CALCOCO1: variants seen among roughly 807,000 people sequenced by gnomAD.
The protein encoded by CALCOCO1 is calcium binding and coiled-coil domain 1, also known as calcium-binding and coiled-coil domain-containing protein 1.
CALCOCO1 carries 44 observed loss-of-function variants against 86.3 expected under a neutral mutation model. The observed-to-expected ratio is 0.51, with a 90% CI of 0.40 to 0.66. The LOEUF is 0.66. Ranked by LOEUF, CALCOCO1 falls within the 30% of genes least tolerant of loss-of-function variation. CALCOCO1 has a pLI of 0.00. For missense variants in CALCOCO1, 708 were observed against 851.1 expected, an observed-to-expected ratio of 0.83 and a Z score of 2.09; for synonymous variants, 297 against 327.6, an observed-to-expected ratio of 0.91 and a Z score of 1.01.
chr12:53,714,314 C>A, intron 11 of CALCOCO1, 73 bp from the exon 12 acceptor site: 1 of 1,171,024 alleles, frequency 8.5e-7, no homozygotes. Context: ...GCAGAAGCTG[C>A]ACCCAAGAAG....
At chr12:53,717,682 T>G (rs947610287) in intron 7 of CALCOCO1, among the ~76,000 whole-genome samples, 1 of 152,176 alleles carries the variant, frequency 6.6e-6, no homozygotes, top group African/African-American at 2.4e-5. Context: ...TGCAGATACT[T>G]GATTTGAATG....
chr12:53,711,661 C>T lies in CALCOCO1; in HGVS notation c.*283G>A. The T allele has an allele frequency of 2.9e-6, 1 of 348,436 alleles. No homozygotes were observed. The highest frequency in any genetic ancestry group is 4.5e-5 in the Admixed American group (1 of 22,158). The allele number at this position is 348,436 out of a possible 1,614,324, so 21.6% of individuals were successfully genotyped here. On this transcript the variant is annotated 3_prime_UTR_variant, in exon 15 of 15. Transcript: ENST00000550804. ...CTAGGAGTGGACGATTCTATTCCCA[C>T]AGGGGAAGGCCTCCTCCATCCCGGT...
rs1593077646 is a variant in CALCOCO1, at chr12:53,714,283, AG to A, written c.1483-43del. 5.4e-6 allele frequency: 8 copies of A among 1,476,358 alleles called. No homozygotes were observed. In the African/African-American group the frequency reaches 9.7e-5, roughly 18 times the overall value. 91.5% of individuals were successfully genotyped at this position (1,476,358 alleles called of 1,614,324 possible). A position where few individuals can be genotyped will look rare whatever the true frequency, so the allele number is the denominator to read the frequency against. On this transcript the variant is annotated intron_variant, in intron 11 of 14. Transcript: ENST00000550804. Reference sequence around the variant, plus strand: ...AAAAGGCAGGTGCTAGAGAATGGGAAGGTGCCAACCTTGCTAGCCTGCAGAA... The same window carrying A: ...AAAAGGCAGGTGCTAGAGAATGGGAAGTGCCAACCTTGCTAGCCTGCAGAA...
At chr12:53,722,252 C>A (rs893914895) in intron 4 of CALCOCO1, 69 bp from the exon 5 acceptor site, 2 of 1,573,676 alleles carry the variant, frequency 1.3e-6, no homozygotes, top group Non-Finnish European at 1.7e-6. Context: ...ATCCTCACCA[C>A]TCTCCAGGTG....
chr12:53,713,979 G>T (rs2120553331), intron 12 of CALCOCO1, 79 bp from the exon 13 acceptor site: 1 of 1,353,074 alleles, frequency 7.4e-7, no homozygotes, highest in Admixed American at 2.0e-5. Context: ...CTGGATGAGG[G>T]GTATCATTAG....
At chr12:53,716,132 G>A (rs1945719093) in intron 8 of CALCOCO1, 85 bp from the exon 9 acceptor site, 1 of 1,584,950 alleles carries the variant, frequency 6.3e-7, no homozygotes, top group South Asian at 1.1e-5. Flanking sequence ...CCACTCCACT[G>A]CATTAGGACT....
intron 7 of CALCOCO1, among the ~76,000 whole-genome samples, chr12:53,717,378 A>G (rs1193581446): frequency 1.3e-5 from 2 of 152,308 alleles, no homozygotes; most frequent in Admixed American, 1.3e-4. Flanking sequence ...TAAGTACAGT[A>G]CACGTCACCC....
rs1433997764 is a variant in CALCOCO1 at position 53,710,309 on chromosome 12, G to C, written c.*1635C>G. ...AAGGAACGATGTAAGAAGTCATCCA[G>C]GTGGGGCTGGAAAGGGGGTGGACAG... On this transcript the variant is annotated 3_prime_UTR_variant, in exon 15 of 15. Transcript: ENST00000550804. The C allele has an allele frequency of 2.6e-5, 4 of 152,334 alleles. No individual in the cohort carries two copies. The highest frequency in any genetic ancestry group is 5.9e-5 in the Non-Finnish European group (4 of 68,134). The allele number at this position is 152,334 out of a possible 1,614,324, so 9.4% of individuals were successfully genotyped here.
intron 1 of CALCOCO1, 74 bp from the exon 2 acceptor site, chr12:53,725,340 A>C: frequency 2.1e-6 from 2 of 965,020 alleles, no homozygotes; most frequent in Non-Finnish European, 1.5e-6. Flanking sequence ...AGCACCACAC[A>C]CTCACAGCCC....
intron 10 of CALCOCO1, 31 bp from the exon 11 acceptor site, chr12:53,714,724 G>T: frequency 6.5e-7 from 1 of 1,528,652 alleles, no homozygotes; most frequent in Non-Finnish European, 9.0e-7. Context: ...GGAATCTGGA[G>T]CCTAGAATGT....
intron 4 of CALCOCO1, 152 bp downstream of exon 4, chr12:53,723,440 AC>A: frequency 1.4e-6 from 1 of 732,248 alleles, no homozygotes; most frequent in South Asian, 1.7e-5. Flanking sequence ...TCTATGTTAG[AC>A]TGAGACTCTC....
intron 6 of CALCOCO1, 136 bp from the exon 7 acceptor site, chr12:53,719,965 A>T (rs1243667368): frequency 1.8e-6 from 1 of 543,584 alleles, no homozygotes; most frequent in African/African-American, 1.9e-5. Flanking sequence ...TAAATCCCCA[A>T]GCCAGCTGAT....
chr12:53,709,118 A>G lies in CALCOCO1; in HGVS notation c.*2826T>C, dbSNP rs17101993. 0.11 allele frequency: 16,272 copies of G among 152,278 alleles called. 1,010 individuals carry two copies. The highest frequency in any genetic ancestry group is 0.15 in the South Asian group (736 of 4,822). The allele number at this position is 152,278 out of a possible 1,614,324, so 9.4% of individuals were successfully genotyped here. On this transcript the variant is annotated 3_prime_UTR_variant, in exon 15 of 15. Transcript: ENST00000550804. Reference sequence around the variant, plus strand: ...TCCTATTTGCTGCTACTTGGCTGACATCTCCTTTCACATTAGAGTCTCAAG... The same window carrying G: ...TCCTATTTGCTGCTACTTGGCTGACGTCTCCTTTCACATTAGAGTCTCAAG...
At chr12:53,721,780 A>G (rs553501958) in intron 5 of CALCOCO1, 165 bp from the exon 6 acceptor site, 8 of 904,920 alleles carry the variant, frequency 8.8e-6, no homozygotes, top group African/African-American at 8.3e-5. Flanking sequence ...TTACCTATCA[A>G]CGTGGCCACC....
In CALCOCO1 at chr12:53,710,269, G is replaced by A. The variant is rs1034675893; in HGVS notation, c.*1675C>T. 1 of 152,242 alleles carries A rather than the reference G, an allele frequency of 6.6e-6. No homozygotes were observed. The highest frequency in any genetic ancestry group is 1.5e-5 in the Non-Finnish European group (1 of 68,050). The allele number at this position is 152,242 out of a possible 1,614,324, so 9.4% of individuals were successfully genotyped here. A position where few individuals can be genotyped will look rare whatever the true frequency, so the allele number is the denominator to read the frequency against. On this transcript the variant is annotated 3_prime_UTR_variant, in exon 15 of 15. Transcript: ENST00000550804. ...AACGGGATGGGGTTGCTAGGAGACG[G>A]AGACGTGAGGGAAGAAGGAACGATG...
intron 4 of CALCOCO1, chr12:53,722,943 C>CAAAAAAAAAAAAAAAAAAAA: frequency 2.1e-5 from 4 of 188,526 alleles, no homozygotes; most frequent in Non-Finnish European, 3.0e-5. Context: ...AAGGCTGTCT[C>CAAAAAAAAAAAAAAAAAAAA]AAAAAAAAAA....
intron 14 of CALCOCO1, 90 bp downstream of exon 14, chr12:53,713,010 T>G: frequency 7.5e-7 from 1 of 1,336,686 alleles, no homozygotes; most frequent in South Asian, 1.2e-5. Context: ...AGGGCAGGGG[T>G]TGGGAGCAGG....
chr12:53,715,683 A>G, intron 9 of CALCOCO1, 110 bp downstream of exon 9: 1 of 1,449,864 alleles, frequency 6.9e-7, no homozygotes, highest in Non-Finnish European at 9.4e-7. Flanking sequence ...AAGTCCTCTA[A>G]GGTTCTCAAC....
At chr12:53,718,922 A>G (rs1453090465) in intron 7 of CALCOCO1, among the ~76,000 whole-genome samples, 1 of 135,002 alleles carries the variant, frequency 7.4e-6, no homozygotes, top group African/African-American at 2.9e-5. Flanking sequence ...ATCTAGGCTC[A>G]CTGCAATTTC....
Sources: gnomAD v4.1 joint callset for allele counts (sites outside exome capture counted in the v4.1 genomes callset) on GRCh38, gnomAD v4.1.1 for gene constraint, MANE v1.5 for transcripts, NCBI Gene and HGNC (gene_info 2026-07-23, HGNC 2026-07-21) for gene names.